The following NIBAN1 variants were observed in gnomAD, a reference collection of about 807,000 sequenced individuals.
The protein encoded by NIBAN1 is protein Niban 1.
In NIBAN1, 81 loss-of-function variants were observed where a neutral mutation model predicts 75.1. The ratio of observed to expected loss-of-function variants is 1.08; its 90% CI spans 0.90 to 1.30. NIBAN1 has a LOEUF of 1.30. NIBAN1 is among the 50% of genes most tolerant of loss of function. The probability of loss-of-function intolerance (pLI) is 0.00; values close to 1 mark genes in which losing one functional copy is unlikely to be tolerated. For missense variants in NIBAN1, 1,133 were observed against 1,128.1 expected (o/e 1.00, Z -0.06); for synonymous variants, 436 against 424.8 (o/e 1.03, Z -0.32).
rs1245979418 is a variant in NIBAN1 at position 184,810,836 on chromosome 1, G to C, written c.1174-2601C>G. Among the ~76,000 whole-genome samples, 5 of 152,150 alleles carry C rather than the reference G, an allele frequency of 3.3e-5. 1 individual carries two copies. The highest frequency in any genetic ancestry group is 7.2e-5 in the African/African-American group (3 of 41,424). On this transcript the variant is annotated intron_variant, in intron 9 of 13. Transcript: ENST00000367511. ...AGGTAAACTCCTTTAAATTTAATTT[G>C]GCTGAAGTTTTTCTTTTATCAGATG... is the stretch of plus-strand genomic sequence containing the variant.
intron 1 of NIBAN1, among the ~76,000 whole-genome samples, chr1:184,956,148 C>A (rs185066376): frequency 6.6e-6 from 1 of 152,112 alleles, no homozygotes; most frequent in African/African-American, 2.4e-5. Flanking sequence ...CCTACCTCAG[C>A]CTCCTTAGCA....
At chr1:184,892,448 T>C (rs1236643542) in intron 3 of NIBAN1, among the ~76,000 whole-genome samples, 1 of 152,174 alleles carries the variant, frequency 6.6e-6, no homozygotes, top group Admixed American at 6.6e-5. Context: ...TTGTAATGAG[T>C]CATACAAAAC....
intron 1 of NIBAN1, among the ~76,000 whole-genome samples, chr1:184,913,079 G>T (rs1356997560): frequency 6.7e-6 from 1 of 148,898 alleles, no homozygotes; most frequent in East Asian, 2.1e-4. Flanking sequence ...AGTTTCCTTT[G>T]TCTAGTATGC....
intron 1 of NIBAN1, among the ~76,000 whole-genome samples, chr1:184,959,429 T>C (rs1295582481): frequency 6.6e-6 from 1 of 152,228 alleles, no homozygotes; most frequent in Non-Finnish European, 1.5e-5. Context: ...ACATGGAGCA[T>C]ATAATGACTG....
chr1:184,904,720 G>A (rs546235407), intron 1 of NIBAN1, among the ~76,000 whole-genome samples: 6 of 152,310 alleles, frequency 3.9e-5, no homozygotes, highest in African/African-American at 1.4e-4. Context: ...GGAGGCCAAG[G>A]TGGGTGGATC....
intron 1 of NIBAN1, among the ~76,000 whole-genome samples, chr1:184,971,744 C>A (rs1025621395): frequency 6.6e-6 from 1 of 152,128 alleles, no homozygotes; most frequent in African/African-American, 2.4e-5. Context: ...CATGTGATCA[C>A]AAGTTGGTCT....
At chr1:184,908,217 C>T (rs1657152992) in intron 1 of NIBAN1, among the ~76,000 whole-genome samples, 1 of 152,180 alleles carries the variant, frequency 6.6e-6, no homozygotes, top group South Asian at 2.1e-4. Context: ...TCTAATATGG[C>T]CACAAAGCTT....
At chr1:184,942,451 TG>T (rs1360949204) in intron 1 of NIBAN1, among the ~76,000 whole-genome samples, 1 of 152,218 alleles carries the variant, frequency 6.6e-6, no homozygotes, top group Non-Finnish European at 1.5e-5. Context: ...CCCAGCACTC[TG>T]GGAGGCCGAA....
chr1:184,818,792 A>C lies in NIBAN1; in HGVS notation c.1019T>G (p.Leu340Trp), dbSNP rs1484115267. Reference protein sequence around the residue: ...MVAQPAEKSCLESVQPFLASI... With the variant: ...MVAQPAEKSCWESVQPFLASI... ...TGCCAGGAATGGCTGCACACTCTCC[A>C]AGCAGCTTTTCTCCGCCGGCTGGGC... The change falls in exon 9 of 14, where the codon TTG (leucine) becomes TGG (tryptophan). Residue 340 changes from leucine (L) to tryptophan (W), a missense_variant. Leu to Trp is a moderately conservative substitution (Grantham distance 61). Coordinates refer to ENST00000367511, the MANE Select transcript of NIBAN1 (RefSeq NM_052966.4). 2 of 1,603,720 alleles carry C rather than the reference A, an allele frequency of 1.2e-6. No homozygotes were observed. The highest frequency in any genetic ancestry group is 1.7e-4 in the Middle Eastern group (1 of 6,018).
intron 5 of NIBAN1, among the ~76,000 whole-genome samples, chr1:184,836,039 A>AT (rs1425104366): frequency 2.0e-5 from 3 of 152,088 alleles, no homozygotes; most frequent in Non-Finnish European, 4.4e-5. Context: ...AAATCGAAGT[A>AT]TTTTTTCCTC....
intron 1 of NIBAN1, among the ~76,000 whole-genome samples, chr1:184,907,162 A>T (rs1361129327): frequency 6.6e-6 from 1 of 152,214 alleles, no homozygotes; most frequent in African/African-American, 2.4e-5. Flanking sequence ...TTTTAAAAAT[A>T]GTTGAGACTG....
Position 184,974,399 on chromosome 1 carries a change from G to A in NIBAN1, c.-43C>T. ...GCTGAGCGCGGAAACTGCCCGGTCC[G>A]CGCCCGCTGCTAGCTCCTGGAGGTT... is the stretch of plus-strand genomic sequence containing the variant. On this transcript the variant is annotated 5_prime_UTR_variant, in exon 1 of 14. Coordinates refer to ENST00000367511, the MANE Select transcript of NIBAN1 (RefSeq NM_052966.4). 1 of 1,538,022 alleles carries A rather than the reference G, an allele frequency of 6.5e-7. No individual in the cohort carries two copies. The highest frequency in any genetic ancestry group is 2.0e-5 in the Admixed American group (1 of 50,934).
intron 13 of NIBAN1, among the ~76,000 whole-genome samples, 192 bp downstream of exon 13, chr1:184,797,887 G>A (rs1201413863): frequency 6.6e-6 from 1 of 152,212 alleles, no homozygotes; most frequent in Non-Finnish European, 1.5e-5. Flanking sequence ...AGCTTTGTGT[G>A]TGCTTAATCA....
At chr1:184,904,592 C>A (rs1657041741) in intron 1 of NIBAN1, among the ~76,000 whole-genome samples, 1 of 152,114 alleles carries the variant, frequency 6.6e-6, no homozygotes, top group South Asian at 2.1e-4. Context: ...TTTCTTGATT[C>A]CATTTCCTTT....
intron 12 of NIBAN1, among the ~76,000 whole-genome samples, chr1:184,801,553 C>T (rs866886324): frequency 2.6e-5 from 4 of 152,180 alleles, no homozygotes; most frequent in Admixed American, 1.3e-4. Context: ...GATTGGCATT[C>T]ATCCCTCAGG....
Position 184,823,731 on chromosome 1 carries a change from G to T in NIBAN1, c.729C>A (p.Asn243Lys), listed in dbSNP as rs776598565. 6.2e-7 allele frequency: 1 copy of T among 1,614,086 alleles called. No homozygotes were observed. The highest frequency in any genetic ancestry group is 8.5e-7 in the Non-Finnish European group (1 of 1,179,958). The change falls in exon 7 of 14, where the codon AAC (asparagine) becomes AAA (lysine). Residue 243 changes from asparagine to lysine, a missense_variant. Transcript: ENST00000367511. The part of the protein sequence containing the change: ...ITGDEIQILS[N>K]LVMEELLPTL... ...TGGGCAGGAGCTCCTCCATCACCAG[G>T]TTACTCAGGATCTGCGCAGCAGAAG...
chr1:184,826,651 T>G (rs1654849014), intron 6 of NIBAN1, among the ~76,000 whole-genome samples: 1 of 152,214 alleles, frequency 6.6e-6, no homozygotes, highest in Non-Finnish European at 1.5e-5. Context: ...TGGTCAGAAT[T>G]TTAGCATAAG....
rs4651244 is a variant in NIBAN1, at chr1:184,960,469, C to T, written c.55+13833G>A. On this transcript the variant is annotated intron_variant, in intron 1 of 13. Transcript: ENST00000367511. ...CTTCTCCTTTCATTCATGCATTAAG[C>T]AAATATTTATCTGTCAGGAACTGTG... 8.5e-3 allele frequency among the ~76,000 whole-genome samples: 1,289 copies of T among 152,204 alleles called. 11 individuals are homozygous for T. Among genetic ancestry groups the T allele is most frequent in the South Asian group, 0.018 (89 of 4,820 alleles).
Position 184,974,349 on chromosome 1 carries a change from C to A in NIBAN1, c.8G>T (p.Gly3Val), listed in dbSNP as rs867748612. The A allele has an allele frequency of 6.4e-7, 1 of 1,559,092 alleles. No homozygotes were observed. Among genetic ancestry groups the A allele is most frequent in the Non-Finnish European group, 8.6e-7 (1 of 1,159,284 alleles). Residue 3 changes from glycine to valine, a missense_variant, in exon 1 of 14, where the codon GGC becomes GTC. Coordinates refer to ENST00000367511, the MANE Select transcript of NIBAN1 (RefSeq NM_052966.4). ...CTCGTCCAGCTGGCTGGAGGCTGAG[C>A]CGCCCATGACCGCGAGCTGCCTGTG... MGGSASSQLDEGK... is the reference protein window; with the variant it reads MGVSASSQLDEGK...
Sources: allele counts gnomAD v4.1 joint callset (sites outside exome capture counted in the v4.1 genomes callset), GRCh38; gene constraint gnomAD v4.1.1; transcripts MANE v1.5; gene names NCBI Gene and HGNC (gene_info 2026-07-23, HGNC 2026-07-21).